RBFOX1: variants seen among roughly 807,000 people sequenced by gnomAD.
The protein encoded by RBFOX1 is RNA binding fox-1 homolog 1, also known as RNA binding protein fox-1 homolog 1.
In RBFOX1, 8 loss-of-function variants were observed where a neutral mutation model predicts 57.7. That is an observed-to-expected ratio of 0.14 (90% CI 0.08 to 0.25). RBFOX1 has a LOEUF of 0.25. RBFOX1 is among the 10% of genes least tolerant of loss of function. RBFOX1 has a pLI of 1.00. For synonymous variants in RBFOX1, 326 were observed against 222.4 expected (o/e 1.47, Z -4.15); for missense variants, 611 against 548.5 (o/e 1.11, Z -1.14).
At chr16:7,013,290 A>G (rs1192534205) in intron 3 of RBFOX1, among the ~76,000 whole-genome samples, 3 of 152,192 alleles carry the variant, frequency 2.0e-5, no homozygotes, top group Non-Finnish European at 4.4e-5. Flanking sequence ...TCAATGAAGT[A>G]AGGTATGCTA....
intron 2 of RBFOX1, among the ~76,000 whole-genome samples, chr16:6,344,657 A>G (rs1254717820): frequency 1.4e-5 from 2 of 147,094 alleles, no homozygotes; most frequent in Non-Finnish European, 3.0e-5. Context: ...TCGGCCTCCC[A>G]AAGTGCTGGG....
chr16:7,093,814 C>G (rs17736941), intron 4 of RBFOX1, among the ~76,000 whole-genome samples: 1 of 151,874 alleles, frequency 6.6e-6, no homozygotes, highest in African/African-American at 2.4e-5. Context: ...TGCACATTTC[C>G]TCTTTGTCTG....
intron 4 of RBFOX1, among the ~76,000 whole-genome samples, chr16:7,080,605 T>G (rs951375678): frequency 6.6e-6 from 1 of 152,176 alleles, no homozygotes; most frequent in Non-Finnish European, 1.5e-5. Flanking sequence ...GTATCCTTTT[T>G]TCATGGTCCA....
At chr16:6,887,835 A>T (rs1311112040) in intron 3 of RBFOX1, among the ~76,000 whole-genome samples, 1 of 151,640 alleles carries the variant, frequency 6.6e-6, no homozygotes, top group Non-Finnish European at 1.5e-5. Context: ...GCTAATTTTT[A>T]TATTTTTAGT....
At chr16:6,602,659 C>T (rs1251779149) in intron 2 of RBFOX1, among the ~76,000 whole-genome samples, 1 of 152,202 alleles carries the variant, frequency 6.6e-6, no homozygotes, top group Non-Finnish European at 1.5e-5. Context: ...GCCAGGTACT[C>T]ACTGATGCAT....
In RBFOX1 at chr16:7,031,993, A is replaced by G. The variant is rs567770903; in HGVS notation, c.-15-20064A>G. Reference sequence around the variant, plus strand: ...TGAAGCATTTGTTACTGAAGTTAGTATGGCCTCCTGGCTTTGCTCACATCT... The same window carrying G: ...TGAAGCATTTGTTACTGAAGTTAGTGTGGCCTCCTGGCTTTGCTCACATCT... On this transcript the variant is annotated intron_variant, in intron 3 of 15. Coordinates refer to ENST00000550418, the MANE Select transcript of RBFOX1 (RefSeq NM_018723.4). Among the ~76,000 whole-genome samples the G allele has an allele frequency of 3.3e-5, 5 of 152,300 alleles. No homozygotes were observed. The South Asian group carries it at 1.0e-3, about 32-fold the overall frequency.
At chr16:7,265,188 C>A (rs1173440336) in intron 4 of RBFOX1, among the ~76,000 whole-genome samples, 1 of 152,068 alleles carries the variant, frequency 6.6e-6, no homozygotes, top group Non-Finnish European at 1.5e-5. Context: ...AGCAAAGTGC[C>A]ATAGACAGGG....
intron 4 of RBFOX1, among the ~76,000 whole-genome samples, chr16:7,111,590 T>A (rs1304726935): frequency 6.6e-6 from 1 of 152,284 alleles, no homozygotes; most frequent in East Asian, 1.9e-4. Flanking sequence ...TTAAACCAGA[T>A]AAAGCAGTGT....
chr16:7,225,635 G>C (rs985385349), intron 4 of RBFOX1, among the ~76,000 whole-genome samples: 1 of 151,510 alleles, frequency 6.6e-6, no homozygotes, highest in Non-Finnish European at 1.5e-5. Context: ...AGCTGTGGTG[G>C]CAATGGATGA....
At chr16:7,341,782 CCTTCCTTCCT>C in intron 4 of RBFOX1, among the ~76,000 whole-genome samples, 3 of 68,780 alleles carry the variant, frequency 4.4e-5, no homozygotes, top group East Asian at 3.1e-4. Flanking sequence ...CTCCCTCCTT[CCTTCCTTCCT>C]TCCTTCCTTC....
chr16:6,224,153 T>G (rs1361218214), intron 1 of RBFOX1, among the ~76,000 whole-genome samples: 2 of 152,126 alleles, frequency 1.3e-5, no homozygotes, highest in African/African-American at 4.8e-5. Flanking sequence ...CCAGCTTTGT[T>G]CTTTTGGCTT....
chr16:7,219,118 C>G (rs1355112360), intron 4 of RBFOX1, among the ~76,000 whole-genome samples: 1 of 152,172 alleles, frequency 6.6e-6, no homozygotes, highest in Non-Finnish European at 1.5e-5. Flanking sequence ...GGCAGCTGAG[C>G]TGGCTTTGTG....
intron 3 of RBFOX1, among the ~76,000 whole-genome samples, chr16:5,713,204 G>T (rs1305170026): frequency 6.6e-6 from 1 of 152,228 alleles, no homozygotes; most frequent in African/African-American, 2.4e-5. Context: ...AGCCATTTGG[G>T]GCTAATTTCT....
At chr16:6,663,840 G>C (rs1473599338) in intron 3 of RBFOX1, among the ~76,000 whole-genome samples, 1 of 152,238 alleles carries the variant, frequency 6.6e-6, no homozygotes, top group Admixed American at 6.5e-5. Context: ...CAGGTGCAGA[G>C]GAGGGAGTCT....
At chr16:7,690,033 T>C (rs925559689) in intron 14 of RBFOX1, among the ~76,000 whole-genome samples, 4 of 152,260 alleles carry the variant, frequency 2.6e-5, no homozygotes, top group African/African-American at 7.2e-5. Context: ...GATTCAGTGA[T>C]TCAACTCCCT....
At position 7,335,528 on chromosome 16, in the gene RBFOX1, A is replaced by G. The variant is rs1472861888; in HGVS notation, c.28-182619A>G. On this transcript the variant is annotated intron_variant, in intron 4 of 15. Coordinates refer to ENST00000550418, the MANE Select transcript of RBFOX1 (RefSeq NM_018723.4). Reference sequence around the variant, plus strand: ...AGAGTGCTCCCTTTTCATATTTTCAAGAGTCATTTTGAAAATTCAGACCAG... The same window carrying G: ...AGAGTGCTCCCTTTTCATATTTTCAGGAGTCATTTTGAAAATTCAGACCAG... Among the ~76,000 whole-genome samples, 4 of 151,610 alleles carry G rather than the reference A, an allele frequency of 2.6e-5. No individual in the cohort carries two copies. The East Asian group carries it at 7.8e-4, about 30-fold the overall frequency.
At chr16:7,571,658 G>T (rs1346430719) in intron 5 of RBFOX1, among the ~76,000 whole-genome samples, 2 of 152,106 alleles carry the variant, frequency 1.3e-5, no homozygotes, top group Non-Finnish European at 2.9e-5. Flanking sequence ...CCTTCACACT[G>T]GGCCCGGGTA....
chr16:7,583,432 T>C (rs116632192), intron 6 of RBFOX1, among the ~76,000 whole-genome samples: 2,026 of 152,314 alleles, frequency 0.013, 47 homozygotes, highest in African/African-American at 0.046. Context: ...GAGGAATATA[T>C]GGATTTCTAA....
intron 1 of RBFOX1, among the ~76,000 whole-genome samples, chr16:6,045,138 C>T (rs1005506550): frequency 2.6e-5 from 4 of 152,154 alleles, no homozygotes; most frequent in Admixed American, 2.6e-4. Flanking sequence ...GTGCAAATCA[C>T]CCAAGACTCT....
Sources: gnomAD v4.1 joint callset for allele counts (sites outside exome capture counted in the v4.1 genomes callset) on GRCh38, gnomAD v4.1.1 for gene constraint, MANE v1.5 for transcripts, NCBI Gene and HGNC (gene_info 2026-07-23, HGNC 2026-07-21) for gene names.